The following CDC37L1 variants were observed in gnomAD, a reference collection of about 807,000 sequenced individuals.
The protein encoded by CDC37L1 is cell division cycle 37 like 1, HSP90 cochaperone.
Under a neutral mutation model 45.9 loss-of-function variants are expected in CDC37L1, and 32 were observed. That is an observed-to-expected ratio of 0.70 (90% CI 0.53 to 0.94). CDC37L1 has a LOEUF of 0.94. CDC37L1 is among the 40% of genes least tolerant of loss of function. The pLI, the probability that CDC37L1 is intolerant of heterozygous loss-of-function variation, is 0.00. For synonymous variants in CDC37L1, 150 were observed against 133.0 expected (o/e 1.13, Z -0.88); for missense variants, 434 against 405.7 (o/e 1.07, Z -0.60).
intron 3 of CDC37L1, among the ~76,000 whole-genome samples, chr9:4,694,551 T>C (rs1325316222): frequency 2.0e-5 from 3 of 152,104 alleles, no homozygotes; most frequent in Non-Finnish European, 4.4e-5. Flanking sequence ...TGTTAATTCG[T>C]CTCAGGTATT....
At chr9:4,681,767 G>C (rs940285300) in intron 1 of CDC37L1, among the ~76,000 whole-genome samples, 12 of 152,078 alleles carry the variant, frequency 7.9e-5, no homozygotes, top group Admixed American at 2.6e-4. Flanking sequence ...AAAATAAAAT[G>C]TTTAATTGAT....
chr9:4,688,451 C>T, intron 2 of CDC37L1, 62 bp from the exon 3 acceptor site: 1 of 909,154 alleles, frequency 1.1e-6, no homozygotes, highest in Non-Finnish European at 1.6e-6. Flanking sequence ...TATTCAGTAT[C>T]TGAGAAAGAA....
intron 3 of CDC37L1, among the ~76,000 whole-genome samples, chr9:4,690,513 A>G (rs2130847222): frequency 6.6e-6 from 1 of 152,344 alleles, no homozygotes; most frequent in Admixed American, 6.5e-5. Flanking sequence ...TACACTGTCG[A>G]ATCTATGCAT....
rs143792464 is a variant in CDC37L1 at position 4,705,546 on chromosome 9, A to G, written c.913-465A>G. 9.1e-4 allele frequency among the ~76,000 whole-genome samples: 139 copies of G among 152,308 alleles called. 1 individual carries two copies. In the Middle Eastern group the frequency reaches 0.01, roughly 11 times the overall value. ...TTGTTTTAACCTTTGGGAAACCACA[A>G]TAGACCCTGAAGATATCCATAATTT... On this transcript the variant is annotated intron_variant, in intron 6 of 6. Coordinates refer to ENST00000381854, the MANE Select transcript of CDC37L1 (RefSeq NM_017913.4).
At chr9:4,702,494 T>C (rs1404830130) in intron 6 of CDC37L1, among the ~76,000 whole-genome samples, 1 of 152,184 alleles carries the variant, frequency 6.6e-6, no homozygotes, top group Non-Finnish European at 1.5e-5. Flanking sequence ...GATATAACAT[T>C]TTTAGAACAC....
chr9:4,683,316 G>T (rs532458723), intron 1 of CDC37L1, among the ~76,000 whole-genome samples: 3 of 151,664 alleles, frequency 2.0e-5, no homozygotes, highest in African/African-American at 7.3e-5. Flanking sequence ...ACTTGCCTCA[G>T]AATTGTTTAC....
chr9:4,689,201 C>G (rs1050108723), intron 3 of CDC37L1, among the ~76,000 whole-genome samples: 1 of 151,980 alleles, frequency 6.6e-6, no homozygotes, highest in Non-Finnish European at 1.5e-5. Context: ...GGAGGCAAGC[C>G]AACAGCAACA....
At position 4,706,041 on chromosome 9, in the gene CDC37L1, A is replaced by G. The variant is rs1489316111; in HGVS notation, c.943A>G (p.Thr315Ala). 9 of 1,595,816 alleles carry G rather than the reference A, an allele frequency of 5.6e-6. No homozygotes were observed. Among genetic ancestry groups the G allele is most frequent in the African/African-American group, 1.3e-5 (1 of 74,514 alleles). ...NPDYLQYSIS[T>A]ALCSLNSVVH... ...AGATTATCTTCAGTATTCTATCAGTACAGCTCTCTGCAGCTTAAACTCGGT... is the reference window on the plus strand; with the variant it reads ...AGATTATCTTCAGTATTCTATCAGTGCAGCTCTCTGCAGCTTAAACTCGGT... Residue 315 changes from threonine (T) to alanine (A), a missense_variant, in exon 7 of 7, where the codon ACA becomes GCA. Thr to Ala is a moderately conservative substitution (Grantham distance 58). Coordinates refer to ENST00000381854, the MANE Select transcript of CDC37L1 (RefSeq NM_017913.4).
intron 3 of CDC37L1, among the ~76,000 whole-genome samples, chr9:4,691,417 A>G (rs767816274): frequency 3.3e-5 from 5 of 152,186 alleles, no homozygotes; most frequent in Non-Finnish European, 5.9e-5. Context: ...AGGTGAGAAT[A>G]TGCGGTATTT....
At chr9:4,701,714 ATG>A in intron 5 of CDC37L1, 148 bp from the exon 6 acceptor site, 1 of 508,122 alleles carries the variant, frequency 2.0e-6, no homozygotes, top group Non-Finnish European at 3.4e-6. Context: ...GTTTTCACAA[ATG>A]TGACAGGGAT....
At chr9:4,684,743 C>T (rs553195149) in intron 1 of CDC37L1, 134 bp from the exon 2 acceptor site, 2 of 603,630 alleles carry the variant, frequency 3.3e-6, no homozygotes, top group Non-Finnish European at 5.8e-6. Flanking sequence ...AAAAACATGA[C>T]TGCAGACCTA....
At position 4,688,499 on chromosome 9, in the gene CDC37L1, A is replaced by T. The variant is rs1364144253; in HGVS notation, c.415-14A>T. 1 of 1,319,508 alleles carries T rather than the reference A, an allele frequency of 7.6e-7. No homozygotes were observed. The highest frequency in any genetic ancestry group is 1.5e-5 in the African/African-American group (1 of 65,900). 81.7% of individuals were successfully genotyped at this position (1,319,508 alleles called of 1,614,324 possible). A position where few individuals can be genotyped will look rare whatever the true frequency, so the allele number is the denominator to read the frequency against. The stretch of plus-strand genomic sequence containing the variant: ...ATTTAAAATCTGATTTAAATTTCTA[A>T]AATTTTTTCTTAGAGTTTTATTAAT... On this transcript the variant is annotated splice_polypyrimidine_tract_variant and intron_variant, in intron 2 of 6. Coordinates refer to ENST00000381854, the MANE Select transcript of CDC37L1 (RefSeq NM_017913.4).
chr9:4,699,967 T>A (rs182544388), intron 5 of CDC37L1, among the ~76,000 whole-genome samples: 211 of 152,224 alleles, frequency 1.4e-3, no homozygotes, highest in African/African-American at 3.9e-3. Context: ...AATGAACATT[T>A]CCTATTATAA....
At chr9:4,705,947 T>G (rs1319489441) in intron 6 of CDC37L1, 64 bp from the exon 7 acceptor site, 7 of 738,982 alleles carry the variant, frequency 9.5e-6, no homozygotes, top group Non-Finnish European at 1.7e-5. Context: ...ATGTATGTAC[T>G]GTCATAAAAC....
chr9:4,704,905 C>T (rs1431383159), intron 6 of CDC37L1, among the ~76,000 whole-genome samples: 2 of 152,056 alleles, frequency 1.3e-5, no homozygotes. Flanking sequence ...TTTTGTTCTC[C>T]TTGAGGCTTG....
At chr9:4,694,215 G>A (rs1841326223) in intron 3 of CDC37L1, among the ~76,000 whole-genome samples, 1 of 151,934 alleles carries the variant, frequency 6.6e-6, no homozygotes, top group Non-Finnish European at 1.5e-5. Flanking sequence ...AAGTAGCTGG[G>A]ACTACAAGTG....
chr9:4,700,816 G>A (rs966138372), intron 5 of CDC37L1, among the ~76,000 whole-genome samples: 2 of 152,062 alleles, frequency 1.3e-5, no homozygotes, highest in Non-Finnish European at 2.9e-5. Flanking sequence ...TTAAGTAAGT[G>A]GCCCACAAAT....
At chr9:4,703,211 A>T in intron 6 of CDC37L1, 3 of 1,199,384 alleles carry the variant, frequency 2.5e-6, no homozygotes, top group Non-Finnish European at 3.3e-6. Context: ...ATAAAGTGCT[A>T]AAAATTGGGA....
At chr9:4,685,222 T>G (rs1841236358) in intron 2 of CDC37L1, 64 bp downstream of exon 2, 3 of 1,256,096 alleles carry the variant, frequency 2.4e-6, no homozygotes, top group Non-Finnish European at 1.1e-6. Context: ...AAACCAGTTG[T>G]GCGTATTTGG....
Sources: allele counts gnomAD v4.1 joint callset (sites outside exome capture counted in the v4.1 genomes callset), GRCh38; gene constraint gnomAD v4.1.1; transcripts MANE v1.5; gene names NCBI Gene and HGNC (gene_info 2026-07-23, HGNC 2026-07-21).